Variants in RAI14 observed in about 807,000 individuals in gnomAD.
The protein encoded by RAI14 is retinoic acid induced 14.
Under a neutral mutation model 115.4 loss-of-function variants are expected in RAI14, and 45 were observed. That is an observed-to-expected ratio of 0.39 (90% CI 0.31 to 0.50). The LOEUF is 0.50. Among genes scored for constraint, RAI14 ranks in the 20% least tolerant of loss-of-function variants. RAI14 has a pLI of 0.85. For synonymous variants in RAI14, 371 were observed against 415.4 expected, an observed-to-expected ratio of 0.89 and a Z score of 1.30; for missense variants, 939 against 1,131.2, an observed-to-expected ratio of 0.83 and a Z score of 2.44.
At chr5:34,812,315 T>C (rs964273597) in intron 10 of RAI14, 107 bp downstream of exon 10, 6 of 993,786 alleles carry the variant, frequency 6.0e-6, no homozygotes, top group African/African-American at 1.7e-5. Flanking sequence ...AAAGACTATA[T>C]TGAAAATACT....
rs146616019 is a variant in RAI14, at chr5:34,764,537, T to TTCTC, written c.167+6970_167+6973dup. ...AAGGCCCAGGAAGCACAGGTGAATT[T>TTCTC]TCTCTCTCTCTCTCTCTCTCTCTCT... On this transcript the variant is annotated intron_variant, in intron 3 of 17. Transcript: ENST00000265109. 8.5e-3 allele frequency among the ~76,000 whole-genome samples: 607 copies of TTCTC among 71,732 alleles called. 3 individuals are homozygous for TTCTC. The highest frequency in any genetic ancestry group is 0.025 in the South Asian group (60 of 2,366). 47.1% of individuals were successfully genotyped at this position (71,732 alleles called of 152,430 possible). A position where few individuals can be genotyped will look rare whatever the true frequency, so the allele number is the denominator to read the frequency against.
intron 12 of RAI14, among the ~76,000 whole-genome samples, chr5:34,817,286 A>AAG (rs1299861087): frequency 1.3e-5 from 2 of 151,618 alleles, no homozygotes; most frequent in African/African-American, 4.8e-5. Context: ...AAAAAAAAAA[A>AAG]AAAGAAAAAG....
At chr5:34,678,946 G>A (rs911663351) in intron 1 of RAI14, among the ~76,000 whole-genome samples, 1 of 152,106 alleles carries the variant, frequency 6.6e-6, no homozygotes, top group Non-Finnish European at 1.5e-5. Flanking sequence ...TGCTCCATAG[G>A]AAACACATAT....
At chr5:34,799,511 C>G (rs867004654) in intron 4 of RAI14, among the ~76,000 whole-genome samples, 2 of 81,158 alleles carry the variant, frequency 2.5e-5, no homozygotes, top group African/African-American at 6.5e-5. Flanking sequence ...CACACACACA[C>G]ACACACACAC....
In RAI14 at chr5:34,823,783, G is replaced by T. The variant is rs1045786055; in HGVS notation, c.1941G>T (p.Glu647Asp). 1.9e-6 allele frequency: 3 copies of T among 1,614,096 alleles called. No individual in the cohort carries two copies. The African/African-American group carries it at 4.0e-5, about 22-fold the overall frequency. ...ATGAACTCAATAAACAGGTGAGCGA[G>T]CTGTCACAGCTGTACAAAGAAGCCC... ...MIDELNKQVSELSQLYKEAQA... is the reference protein window; with the variant it reads ...MIDELNKQVSDLSQLYKEAQA... Residue 647 changes from glutamate (E) to aspartate (D), a missense_variant, in exon 15 of 18, where the codon GAG (glutamate) becomes GAT (aspartate). Coordinates refer to ENST00000265109, the MANE Select transcript of RAI14 (RefSeq NM_015577.3). This position sits in a 1 kb window ranked among gnomAD's most constrained non-coding sequence, Gnocchi z 4.5.
intron 2 of RAI14, among the ~76,000 whole-genome samples, chr5:34,712,379 A>T (rs990332923): frequency 6.6e-6 from 1 of 152,170 alleles, no homozygotes; most frequent in Admixed American, 6.5e-5. Context: ...ACAAGTCTCA[A>T]TGGGAGGAAC....
At chr5:34,780,194 C>T (rs1751432763) in intron 3 of RAI14, among the ~76,000 whole-genome samples, 2 of 152,268 alleles carry the variant, frequency 1.3e-5, no homozygotes, top group South Asian at 4.1e-4. Context: ...AACTGGATCC[C>T]ATCCTTACAC....
intron 8 of RAI14, 147 bp downstream of exon 8, chr5:34,811,265 T>A (rs2150258056): frequency 3.0e-6 from 3 of 1,001,192 alleles, no homozygotes; most frequent in South Asian, 1.7e-5. Context: ...TTTCTGATAA[T>A]CAAGAATCTA....
chr5:34,694,564 A>G (rs1174083933), intron 2 of RAI14, among the ~76,000 whole-genome samples: 1 of 152,108 alleles, frequency 6.6e-6, no homozygotes, highest in Non-Finnish European at 1.5e-5. Context: ...TTTTTATTGT[A>G]TTCATGAAAA....
At chr5:34,744,466 G>A (rs890523928) in intron 2 of RAI14, among the ~76,000 whole-genome samples, 1 of 152,128 alleles carries the variant, frequency 6.6e-6, no homozygotes, top group African/African-American at 2.4e-5. Flanking sequence ...CTTGATACCA[G>A]CAGACTGAGG....
chr5:34,701,368 C>T (rs1022314729), intron 2 of RAI14, among the ~76,000 whole-genome samples: 2 of 152,162 alleles, frequency 1.3e-5, no homozygotes, highest in Non-Finnish European at 2.9e-5. Flanking sequence ...AACATAGTTA[C>T]ATCTTTTTCT....
At chr5:34,781,764 T>C (rs1751676859) in intron 3 of RAI14, among the ~76,000 whole-genome samples, 1 of 152,122 alleles carries the variant, frequency 6.6e-6, no homozygotes, top group East Asian at 1.9e-4. Flanking sequence ...TACTGAAAAA[T>C]GTGTCTACAC....
At chr5:34,782,810 C>A (rs1336168319) in intron 3 of RAI14, among the ~76,000 whole-genome samples, 3 of 152,148 alleles carry the variant, frequency 2.0e-5, no homozygotes, top group Non-Finnish European at 2.9e-5. Flanking sequence ...CCATGACACA[C>A]AGACTGAGAG....
intron 1 of RAI14, among the ~76,000 whole-genome samples, chr5:34,685,288 G>T (rs1236756856): frequency 6.6e-6 from 1 of 152,078 alleles, no homozygotes; most frequent in Non-Finnish European, 1.5e-5. Flanking sequence ...TTTGGTTTTA[G>T]TTGTAAAACT....
intron 3 of RAI14, among the ~76,000 whole-genome samples, chr5:34,779,524 G>T (rs1006369168): frequency 6.6e-6 from 1 of 152,146 alleles, no homozygotes; most frequent in African/African-American, 2.4e-5. Flanking sequence ...CTTCAGCAAA[G>T]TCTCAGGATA....
chr5:34,721,817 T>C (rs181838270), intron 2 of RAI14, among the ~76,000 whole-genome samples: 86 of 152,274 alleles, frequency 5.6e-4, no homozygotes, highest in African/African-American at 2.1e-3. Flanking sequence ...TTCAAGCGGT[T>C]CTCCTGACTC....
intron 2 of RAI14, among the ~76,000 whole-genome samples, chr5:34,730,014 G>A (rs1354169314): frequency 6.6e-6 from 1 of 152,144 alleles, no homozygotes; most frequent in African/African-American, 2.4e-5. Context: ...TGTGCTATGT[G>A]GTCTGGGATT....
intron 17 of RAI14, 43 bp from the exon 18 acceptor site, chr5:34,830,645 T>G (rs771209068): frequency 1.2e-6 from 2 of 1,613,018 alleles, no homozygotes; most frequent in Non-Finnish European, 1.7e-6. Context: ...GTGCCATGGC[T>G]TAATTTAGGT....
intron 3 of RAI14, among the ~76,000 whole-genome samples, chr5:34,786,561 G>C (rs542721165): frequency 6.6e-6 from 1 of 152,294 alleles, no homozygotes; most frequent in South Asian, 2.1e-4. Flanking sequence ...AAGGTTCCAA[G>C]GTGGAACGAA....
Sources: gnomAD v4.1 joint callset for allele counts (sites outside exome capture counted in the v4.1 genomes callset) on GRCh38, gnomAD v4.1.1 for gene constraint, Gnocchi (gnomAD v3.1) non-coding constraint, MANE v1.5 for transcripts, NCBI Gene and HGNC (gene_info 2026-07-23, HGNC 2026-07-21) for gene names.